Variants in EME2 observed in about 807,000 individuals in gnomAD.
EME2 encodes the protein essential meiotic structure-specific endonuclease subunit 2, also known as structure-specific endonuclease subunit EME2.
EME2 carries 58 observed loss-of-function variants against 41.9 expected under a neutral mutation model. That is an observed-to-expected ratio of 1.38 (90% CI 1.12 to 1.72). The LOEUF is 1.72. Among genes scored for constraint, EME2 ranks in the 40% most tolerant of loss-of-function variants. The pLI, the probability that EME2 is intolerant of heterozygous loss-of-function variation, is 0.00. For missense variants in EME2, 695 were observed against 541.9 expected (o/e 1.28, Z -2.81); for synonymous variants, 334 against 239.3 (o/e 1.40, Z -3.65).
In EME2 at chr16:1,777,157, G is replaced by C. The variant is rs758924270; in HGVS notation, c.*919G>C. On this transcript the variant is annotated 3_prime_UTR_variant, in exon 8 of 8. Coordinates refer to ENST00000568449, the MANE Select transcript of EME2 (RefSeq NM_001257370.2). The stretch of plus-strand genomic sequence containing the variant: ...GAGGCTCGCGACTGCTGGGGTGGGC[G>C]GAGGTCGCTGCCTGGGGATCGGACA... The C allele has an allele frequency of 6.2e-7, 1 of 1,611,188 alleles. No homozygotes were observed. The highest frequency in any genetic ancestry group is 8.5e-7 in the Non-Finnish European group (1 of 1,179,862).
rs777850544 is a variant in EME2, at chr16:1,775,056, C to T, written c.493C>T (p.His165Tyr). The T allele has an allele frequency of 2.5e-6, 4 of 1,609,766 alleles. No homozygotes were observed. The Admixed American group carries it at 5.0e-5, about 20-fold the overall frequency. Residue 165 changes from histidine (H) to tyrosine (Y), a missense_variant, in exon 4 of 8, where the codon CAC becomes TAC. By Grantham distance (83) the His-to-Tyr change is moderately conservative. Coordinates refer to ENST00000568449, the MANE Select transcript of EME2 (RefSeq NM_001257370.2). Reference protein sequence around the residue: ...ATLTQISGPTHWVPWISPETT... With the variant: ...ATLTQISGPTYWVPWISPETT... ...TCATCTTCAGATCTCTGGCCCAACC[C>T]ACTGGGTGCCCTGGATCTCCCCCGA...
chr16:1,773,264 T>TGCCAGG lies in EME2; in HGVS notation c.41_46dup (p.Gln14_Gly15dup), dbSNP rs989061245. 6.9e-7 allele frequency: 1 copy of TGCCAGG among 1,457,698 alleles called. No homozygotes were observed. The highest frequency in any genetic ancestry group is 9.0e-7 in the Non-Finnish European group (1 of 1,114,746). The allele number at this position is 1,457,698 out of a possible 1,614,324, so 90.3% of individuals were successfully genotyped here. On this transcript the variant is annotated inframe_insertion, in exon 1 of 8. Transcript: ENST00000568449. ...TGGACCCGGGAGGGCGGGGGTCTCT[T>TGCCAGG]GCCAGGGCCGGGGCCGGGGACGGGG...
rs2042705140 is a variant in EME2 at position 1,775,932 on chromosome 16, A to T, written c.915A>T (p.Pro305=). The change falls in exon 7 of 8, where the codon CCA becomes CCT. Residue 305 remains proline, a synonymous_variant. Coordinates refer to ENST00000568449, the MANE Select transcript of EME2 (RefSeq NM_001257370.2). The part of the protein sequence containing the change: ...RQIRQFSRVS[P]AVADAVVTAF... The stretch of plus-strand genomic sequence containing the variant: ...TCAGGCAGTTCAGTCGGGTCAGCCC[A>T]GCCGTGGCTGATGCAGTTGTCACAG... 1 of 1,611,952 alleles carries T rather than the reference A, an allele frequency of 6.2e-7. No individual in the cohort carries two copies. The highest frequency in any genetic ancestry group is 8.5e-7 in the Non-Finnish European group (1 of 1,179,736).
rs971551239 is a variant in EME2 at position 1,780,370 on chromosome 16, C to G, written c.*4132C>G. On this transcript the variant is annotated 3_prime_UTR_variant, in exon 8 of 8. Coordinates refer to ENST00000568449, the MANE Select transcript of EME2 (RefSeq NM_001257370.2). Reference sequence around the variant, plus strand: ...ATCACCCCCCACAGGGACCCCCACCCCTCCCAGCCTCACTGCGCCCGTCAG... The same window carrying G: ...ATCACCCCCCACAGGGACCCCCACCGCTCCCAGCCTCACTGCGCCCGTCAG... 3 of 111,916 alleles carry G rather than the reference C, an allele frequency of 2.7e-5. No individual in the cohort carries two copies. The highest frequency in any genetic ancestry group is 1.0e-4 in the African/African-American group (3 of 28,912). 6.9% of individuals were successfully genotyped at this position (111,916 alleles called of 1,614,324 possible).
chr16:1,775,761 C>T (rs1212199087), intron 6 of EME2, 36 bp from the exon 7 acceptor site: 3 of 1,612,328 alleles, frequency 1.9e-6, no homozygotes, highest in East Asian at 4.5e-5. Flanking sequence ...GGGAGCTGCT[C>T]ACATGAGGTT....
Position 1,775,905 on chromosome 16 carries a change from G to A in EME2, c.888G>A (p.Gln296=), listed in dbSNP as rs1458658177. 3 of 1,612,432 alleles carry A rather than the reference G, an allele frequency of 1.9e-6. No individual in the cohort carries two copies. The highest frequency in any genetic ancestry group is 8.5e-7 in the Non-Finnish European group (1 of 1,179,824). The change falls in exon 7 of 8, where the codon CAG becomes CAA. Residue 296 remains glutamine (Q), a synonymous_variant. Coordinates refer to ENST00000568449, the MANE Select transcript of EME2 (RefSeq NM_001257370.2). ...GAGLQAAWRR[Q]IRQFSRVSPA... The stretch of plus-strand genomic sequence containing the variant: ...GGCTGCAGGCGGCCTGGCGGAGGCA[G>A]ATCAGGCAGTTCAGTCGGGTCAGCC...
Position 1,777,366 on chromosome 16 carries a change from CCTT to C in EME2, c.*1130_*1132del. ...GTGGCGCTGGCACAGGAGCGGGTGA[CCTT>C]CATGCTGCTCCGGGCCGCCGTGGAG... is the stretch of plus-strand genomic sequence containing the variant. On this transcript the variant is annotated 3_prime_UTR_variant, in exon 8 of 8. Coordinates refer to ENST00000568449, the MANE Select transcript of EME2 (RefSeq NM_001257370.2). The C allele has an allele frequency of 6.2e-7, 1 of 1,604,418 alleles. No individual in the cohort carries two copies.
rs969365847 is a variant in EME2 at position 1,773,115 on chromosome 16, G to A, written c.-113G>A. On this transcript the variant is annotated 5_prime_UTR_variant, in exon 1 of 8. Coordinates refer to ENST00000568449, the MANE Select transcript of EME2 (RefSeq NM_001257370.2). ...CAGCCGCGGACGCACCTTCTTCCGC[G>A]CCATGGCGGGTCCGCGTCCTCAGCG... is the stretch of plus-strand genomic sequence containing the variant. The A allele has an allele frequency of 2.7e-5, 38 of 1,391,776 alleles. No homozygotes were observed. The highest frequency in any genetic ancestry group is 3.4e-5 in the Non-Finnish European group (37 of 1,078,222). The allele number at this position is 1,391,776 out of a possible 1,614,324, so 86.2% of individuals were successfully genotyped here.
Position 1,781,177 on chromosome 16 carries a change from A to C in EME2, c.*4939A>C. 6.5e-7 allele frequency: 1 copy of C among 1,535,934 alleles called. No homozygotes were observed. The highest frequency in any genetic ancestry group is 8.7e-7 in the Non-Finnish European group (1 of 1,146,518). ...CTGAGGCTGTGTGTGTCCTTTGCCA[A>C]ATTAAAGAGTCTTACTGAATGCGGT... On this transcript the variant is annotated 3_prime_UTR_variant, in exon 8 of 8. Coordinates refer to ENST00000568449, the MANE Select transcript of EME2 (RefSeq NM_001257370.2).
rs777777467 is a variant in EME2 at position 1,776,078 on chromosome 16, C to T, written c.980C>T (p.Ala327Val). Residue 327 changes from alanine to valine, a missense_variant, in exon 8 of 8, where the codon GCC (alanine) becomes GTC (valine). Ala to Val is a moderately conservative substitution (Grantham distance 64, BLOSUM62 0). Coordinates refer to ENST00000568449, the MANE Select transcript of EME2 (RefSeq NM_001257370.2). ...SPRLLQQALE[A>V]CSTERERMGL... ...TTTGCCTGCTCCTAGGCGCTGGAGG[C>T]CTGCAGCACGGAGCGGGAGCGCATG... 1 of 1,608,740 alleles carries T rather than the reference C, an allele frequency of 6.2e-7. No homozygotes were observed. The highest frequency in any genetic ancestry group is 8.5e-7 in the Non-Finnish European group (1 of 1,178,332).
rs1206428097 is a variant in EME2 at position 1,773,290 on chromosome 16, C to T, written c.63C>T (p.Gly21=). 6 of 1,487,496 alleles carry T rather than the reference C, an allele frequency of 4.0e-6. No homozygotes were observed. Among genetic ancestry groups the T allele is most frequent in the South Asian group, 1.3e-5 (1 of 77,482 alleles). 92.1% of individuals were successfully genotyped at this position (1,487,496 alleles called of 1,614,324 possible). The change falls in exon 1 of 8, where the codon GGC becomes GGT. Residue 21 remains glycine, a synonymous_variant. Transcript: ENST00000568449. ...GCCAGGGCCGGGGCCGGGGACGGGGCGGGAGCGGTCAGCGGCGACCTCCAA... is the reference window on the plus strand; with the variant it reads ...GCCAGGGCCGGGGCCGGGGACGGGGTGGGAGCGGTCAGCGGCGACCTCCAA... The part of the protein sequence containing the change: ...VSCQGRGRGR[G]GSGQRRPPTW...
intron 4 of EME2, 27 bp downstream of exon 4, chr16:1,775,159 A>G: frequency 6.2e-7 from 1 of 1,609,380 alleles, no homozygotes; most frequent in Middle Eastern, 1.7e-4. Flanking sequence ...TGCCCACAGC[A>G]GGGCTGGCTG....
chr16:1,776,143 G>A lies in EME2; in HGVS notation c.1045G>A (p.Gly349Arg), dbSNP rs556430480. ...CCTTCCTGTGCCGCCCAGTGAAGGCGGGCGTCCCCGCAGGGTGGGGCCTGA... is the reference window on the plus strand; with the variant it reads ...CCTTCCTGTGCCGCCCAGTGAAGGCAGGCGTCCCCGCAGGGTGGGGCCTGA... ...ADLPVPPSEG[G>R]RPRRVGPDLS... Residue 349 changes from glycine to arginine, a missense_variant, in exon 8 of 8, where the codon GGG (glycine) becomes AGG (arginine). By Grantham distance (125) the Gly-to-Arg change is moderately radical. Coordinates refer to ENST00000568449, the MANE Select transcript of EME2 (RefSeq NM_001257370.2). 39 of 1,612,288 alleles carry A rather than the reference G, an allele frequency of 2.4e-5. No individual in the cohort carries two copies. The highest frequency in any genetic ancestry group is 4.5e-5 in the East Asian group (2 of 44,842).
At position 1,777,108 on chromosome 16, in the gene EME2, G is replaced by C. The variant is rs761584229; in HGVS notation, c.*870G>C. ...CACTGGGAAGTCAGTCAGGTCCGGC[G>C]GCAGCGCTTCCTCTGGCAGGGCCGA... On this transcript the variant is annotated 3_prime_UTR_variant, in exon 8 of 8. Coordinates refer to ENST00000568449, the MANE Select transcript of EME2 (RefSeq NM_001257370.2). 123 of 1,611,166 alleles carry C rather than the reference G, an allele frequency of 7.6e-5. No homozygotes were observed. The highest frequency in any genetic ancestry group is 1.2e-4 in the Admixed American group (7 of 59,968).
In EME2 at chr16:1,777,887, G is replaced by A. The variant is rs1210588865; in HGVS notation, c.*1649G>A. The A allele has an allele frequency of 6.2e-7, 1 of 1,611,898 alleles. No individual in the cohort carries two copies. Among genetic ancestry groups the A allele is most frequent in the Non-Finnish European group, 8.5e-7 (1 of 1,179,678 alleles). On this transcript the variant is annotated 3_prime_UTR_variant, in exon 8 of 8. Coordinates refer to ENST00000568449, the MANE Select transcript of EME2 (RefSeq NM_001257370.2). ...GTGGAGGAGGCCTGGGGGCAGCCAG[G>A]GTCGCAGTGAGCCCGGGAGCTCCAG...
At position 1,774,369 on chromosome 16, in the gene EME2, A is replaced by C. The variant is rs772481393; in HGVS notation, c.477+17A>C. The stretch of plus-strand genomic sequence containing the variant: ...CTGACCCAGGTGCTCGGGTGGTGGC[A>C]GTAGTCCCTCTCTAATCAGGAGGGG... On this transcript the variant is annotated intron_variant, in intron 3 of 7. Coordinates refer to ENST00000568449, the MANE Select transcript of EME2 (RefSeq NM_001257370.2). 2 of 1,605,404 alleles carry C rather than the reference A, an allele frequency of 1.2e-6. No individual in the cohort carries two copies. Among genetic ancestry groups the C allele is most frequent in the African/African-American group, 2.7e-5 (2 of 74,806 alleles).
At chr16:1,774,803 G>A (rs1567227350) in intron 3 of EME2, 4 of 588,754 alleles carry the variant, frequency 6.8e-6, no homozygotes, top group Non-Finnish European at 6.1e-6. Context: ...ACCAGGATGA[G>A]GGGCTCAATG....
intron 6 of EME2, 29 bp from the exon 7 acceptor site, chr16:1,775,768 G>A (rs1478966071): frequency 8.1e-6 from 13 of 1,611,872 alleles, no homozygotes; most frequent in South Asian, 2.2e-5. Flanking sequence ...GCTCACATGA[G>A]GTTCTAAAAG....
chr16:1,773,140 G>T lies in EME2; in HGVS notation c.-88G>T. ...GCCATGGCGGGTCCGCGTCCTCAGC[G>T]GTCCGGCCGGAAGTCACCGGAAGAG... is the stretch of plus-strand genomic sequence containing the variant. On this transcript the variant is annotated 5_prime_UTR_variant, in exon 1 of 8. Coordinates refer to ENST00000568449, the MANE Select transcript of EME2 (RefSeq NM_001257370.2). 2.2e-6 allele frequency: 3 copies of T among 1,390,272 alleles called. No homozygotes were observed. Among genetic ancestry groups the T allele is most frequent in the Non-Finnish European group, 9.3e-7 (1 of 1,077,782 alleles). 86.1% of individuals were successfully genotyped at this position (1,390,272 alleles called of 1,614,324 possible). A position where few individuals can be genotyped will look rare whatever the true frequency, so the allele number is the denominator to read the frequency against.
Sources: gnomAD v4.1 joint callset for allele counts on GRCh38, gnomAD v4.1.1 for gene constraint, MANE v1.5 for transcripts, NCBI Gene and HGNC (gene_info 2026-07-23, HGNC 2026-07-21) for gene names.